The following FAM107B variants were observed in gnomAD, a reference collection of about 807,000 sequenced individuals.
The protein encoded by FAM107B is protein FAM107B.
FAM107B carries 21 observed loss-of-function variants against 31.5 expected under a neutral mutation model. The ratio of observed to expected loss-of-function variants is 0.67; its 90% confidence interval spans 0.47 to 0.96. The LOEUF (loss-of-function observed/expected upper bound fraction) is 0.96, where lower values mean the gene tolerates loss of function less well. FAM107B is among the 40% of genes least tolerant of loss of function. FAM107B has a pLI of 0.00. For synonymous variants in FAM107B, 157 were observed against 141.5 expected (o/e 1.11, Z -0.78); for missense variants, 452 against 377.1 (o/e 1.20, Z -1.64).
chr10:14,556,709 A>G (rs1849730263), intron 2 of FAM107B, among the ~76,000 whole-genome samples: 1 of 152,268 alleles, frequency 6.6e-6, no homozygotes, highest in Non-Finnish European at 1.5e-5. Context: ...ATACCCAGAT[A>G]GTTTTGTGGC....
At chr10:14,553,066 A>C (rs1278768823) in intron 2 of FAM107B, among the ~76,000 whole-genome samples, 2 of 152,218 alleles carry the variant, frequency 1.3e-5, no homozygotes, top group Admixed American at 1.3e-4. Flanking sequence ...CAAATGGGAA[A>C]CATTTAAACA....
chr10:14,769,982 G>A (rs1336650102), intron 1 of FAM107B, among the ~76,000 whole-genome samples: 4 of 152,134 alleles, frequency 2.6e-5, no homozygotes, highest in African/African-American at 4.8e-5. Context: ...GAAAAAGATC[G>A]AAGCCCCTGT....
chr10:14,762,086 G>A (rs576657028), intron 1 of FAM107B, among the ~76,000 whole-genome samples: 3 of 152,102 alleles, frequency 2.0e-5, no homozygotes, highest in African/African-American at 7.2e-5. Context: ...ACCTGGAGTG[G>A]TTCCATGGCA....
intron 1 of FAM107B, among the ~76,000 whole-genome samples, chr10:14,760,269 C>G (rs1398244012): frequency 6.6e-6 from 1 of 152,204 alleles, no homozygotes; most frequent in African/African-American, 2.4e-5. Flanking sequence ...TTCCTGGCCC[C>G]TCACTGAAAT....
chr10:14,659,378 T>C (rs1478335188), intron 2 of FAM107B, among the ~76,000 whole-genome samples: 3 of 150,874 alleles, frequency 2.0e-5, no homozygotes, highest in Non-Finnish European at 4.4e-5. Flanking sequence ...GGGGCAGAGG[T>C]TGCAGTGAGC....
chr10:14,686,875 C>G (rs755793676), intron 1 of FAM107B, among the ~76,000 whole-genome samples: 1 of 152,226 alleles, frequency 6.6e-6, no homozygotes, highest in Non-Finnish European at 1.5e-5. Context: ...CTCCTGGGCC[C>G]CACCAATGCC....
chr10:14,661,289 T>A (rs770182377), intron 2 of FAM107B, among the ~76,000 whole-genome samples: 6 of 152,212 alleles, frequency 3.9e-5, no homozygotes, highest in Non-Finnish European at 7.3e-5. Flanking sequence ...TTGACTGCGC[T>A]AAGGGGTGCC....
intron 1 of FAM107B, among the ~76,000 whole-genome samples, chr10:14,763,439 C>T (rs1833097703): frequency 6.6e-6 from 1 of 152,202 alleles, no homozygotes. Flanking sequence ...GGAGGACAGA[C>T]ATGTAGCCCC....
intron 1 of FAM107B, chr10:14,723,167 CT>C: frequency 2.0e-6 from 1 of 506,876 alleles, no homozygotes; most frequent in Non-Finnish European, 3.9e-6. Context: ...ACAAGAACAG[CT>C]TAAGACCATT....
intron 2 of FAM107B, among the ~76,000 whole-genome samples, chr10:14,566,743 G>A (rs910481277): frequency 6.6e-5 from 10 of 152,248 alleles, no homozygotes; most frequent in Non-Finnish European, 1.5e-4. Flanking sequence ...AGAGAAAGTG[G>A]TCACTGAAAG....
Position 14,631,617 on chromosome 10 carries a change from G to A in FAM107B, c.469+36017C>T, listed in dbSNP as rs546484243. Among the ~76,000 whole-genome samples, 25 of 152,238 alleles carry A rather than the reference G, an allele frequency of 1.6e-4. No individual in the cohort carries two copies. In the South Asian group the frequency reaches 4.8e-3, roughly 29 times the overall value. On this transcript the variant is annotated intron_variant, in intron 2 of 4. Transcript: ENST00000181796. ...CCCAAACCTAGCCCTGCAATTCAAG[G>A]AGACTTCCAGGGGAAAAGTGAGCAC...
chr10:14,578,420 G>C (rs1851530745), intron 2 of FAM107B, among the ~76,000 whole-genome samples: 1 of 152,168 alleles, frequency 6.6e-6, no homozygotes, highest in African/African-American at 2.4e-5. Context: ...TAAACAAGTT[G>C]CTTCCCTATC....
rs546421385 is a variant in FAM107B, at chr10:14,709,900, A to G, written c.412-42209T>C. ...ACTATGGAGACAGTAAAAAGATAGC[A>G]GTTGCCTGGGATATAGGGGGGAGGA... On this transcript the variant is annotated intron_variant, in intron 1 of 4. Transcript: ENST00000181796. 7.2e-5 allele frequency among the ~76,000 whole-genome samples: 11 copies of G among 152,314 alleles called. No homozygotes were observed. In the South Asian group the frequency reaches 2.3e-3, roughly 32 times the overall value.
intron 1 of FAM107B, among the ~76,000 whole-genome samples, chr10:14,678,062 C>T (rs986525558): frequency 2.0e-5 from 3 of 152,098 alleles, no homozygotes; most frequent in African/African-American, 4.8e-5. Context: ...TGGAACTTGC[C>T]CAAGGCCACA....
In FAM107B at chr10:14,739,616, GATGAATGAATGA is replaced by G. The variant is rs111924452; in HGVS notation, c.411+34625_411+34636del. Among the ~76,000 whole-genome samples the G allele has an allele frequency of 8.3e-3, 1,255 of 152,038 alleles. 20 individuals carry two copies. Among genetic ancestry groups the G allele is most frequent in the African/African-American group, 0.029 (1,214 of 41,332 alleles). On this transcript the variant is annotated intron_variant, in intron 1 of 4. Coordinates refer to ENST00000181796, the MANE Select transcript of FAM107B (RefSeq NM_031453.4). ...TGCCTGGCATATAGTAAGTGTTCATGATGAATGAATGAATGAATGAATGAGCGAATAAAGGGA... is the reference window on the plus strand; with the variant it reads ...TGCCTGGCATATAGTAAGTGTTCATGATGAATGAATGAGCGAATAAAGGGA...
chr10:14,692,418 G>A (rs2609836), intron 1 of FAM107B, among the ~76,000 whole-genome samples: 87,238 of 151,968 alleles, frequency 0.57, 25,220 homozygotes, highest in Admixed American at 0.67. Flanking sequence ...TGACTTCATC[G>A]TACACTTCCT....
intron 1 of FAM107B, among the ~76,000 whole-genome samples, chr10:14,737,999 C>G (rs893242394): frequency 6.6e-6 from 1 of 152,130 alleles, no homozygotes; most frequent in Non-Finnish European, 1.5e-5. Context: ...GCCGCTAATG[C>G]CACCACTCTA....
chr10:14,702,455 TC>T (rs1234449584), intron 1 of FAM107B, among the ~76,000 whole-genome samples: 1 of 152,202 alleles, frequency 6.6e-6, no homozygotes, highest in Non-Finnish European at 1.5e-5. Flanking sequence ...CAAGCGATTC[TC>T]CCGCCTCAGC....
rs886156034 is a variant in FAM107B, at chr10:14,578,230, C to T, written c.470-47715G>A. On this transcript the variant is annotated intron_variant, in intron 2 of 4. Transcript: ENST00000181796. ...CTAATGACAGGAAGTTCCCTGAGGG[C>T]GAATATCCTGCACTTATCTGTGCCC... is the stretch of plus-strand genomic sequence containing the variant. 7.2e-5 allele frequency among the ~76,000 whole-genome samples: 11 copies of T among 152,160 alleles called. 1 individual carries two copies. In the South Asian group the frequency reaches 1.5e-3, roughly 20 times the overall value.
Sources: gnomAD v4.1 joint callset for allele counts (sites outside exome capture counted in the v4.1 genomes callset) on GRCh38, gnomAD v4.1.1 for gene constraint, MANE v1.5 for transcripts, NCBI Gene and HGNC (gene_info 2026-07-23, HGNC 2026-07-21) for gene names.